The following CHCHD3 variants were observed in gnomAD, a reference collection of about 807,000 sequenced individuals.
CHCHD3 encodes coiled-coil-helix-coiled-coil-helix domain containing 3.
CHCHD3 carries 20 observed loss-of-function variants against 38.2 expected under a neutral mutation model. The observed-to-expected ratio is 0.52, with a 90% CI of 0.37 to 0.76. The LOEUF (loss-of-function observed/expected upper bound fraction) is 0.76. CHCHD3 is among the 30% of genes least tolerant of loss of function. The pLI is 0.00. For missense variants in CHCHD3, 245 were observed against 279.2 expected (o/e 0.88, Z 0.87); for synonymous variants, 82 against 100.0 (o/e 0.82, Z 1.07).
chr7:133,034,106 C>T (rs890275112), intron 2 of CHCHD3, among the ~76,000 whole-genome samples: 24 of 152,088 alleles, frequency 1.6e-4, no homozygotes, highest in African/African-American at 5.5e-4. Flanking sequence ...CAAGCTGACA[C>T]ATTTCCCATC....
At position 132,984,850 on chromosome 7, in the gene CHCHD3, G is replaced by A. The variant is rs1289979663; in HGVS notation, c.252-9564C>T. Among the ~76,000 whole-genome samples the A allele has an allele frequency of 2.6e-5, 3 of 117,572 alleles. 1 individual carries two copies. Among genetic ancestry groups the A allele is most frequent in the Non-Finnish European group, 5.6e-5 (3 of 53,832 alleles). 77.1% of individuals were successfully genotyped at this position (117,572 alleles called of 152,430 possible). A position where few individuals can be genotyped will look rare whatever the true frequency, so the allele number is the denominator to read the frequency against. On this transcript the variant is annotated intron_variant, in intron 3 of 7. Transcript: ENST00000262570. The stretch of plus-strand genomic sequence containing the variant: ...GGCAGCCACCCGGTCTGGGAGGGAG[G>A]TGGGGGTCAGCCCCCCACCCGGCCA...
intron 6 of CHCHD3, among the ~76,000 whole-genome samples, chr7:132,814,661 C>T (rs1807153349): frequency 6.6e-6 from 1 of 152,206 alleles, no homozygotes; most frequent in Admixed American, 6.5e-5. Flanking sequence ...AAGCCTTACA[C>T]ATCATAAAAT....
chr7:132,885,962 T>C (rs1374358422), intron 4 of CHCHD3, among the ~76,000 whole-genome samples: 2 of 152,164 alleles, frequency 1.3e-5, no homozygotes, highest in African/African-American at 4.8e-5. Context: ...AACAGCTGTG[T>C]CCTATTTTGT....
chr7:132,884,281 C>T (rs536199186), intron 5 of CHCHD3, among the ~76,000 whole-genome samples: 1 of 152,276 alleles, frequency 6.6e-6, no homozygotes, highest in South Asian at 2.1e-4. Context: ...GTTCTTCCCT[C>T]TGTACCCAAC....
At chr7:133,043,316 A>G (rs577589440) in intron 2 of CHCHD3, among the ~76,000 whole-genome samples, 170 of 152,296 alleles carry the variant, frequency 1.1e-3, no homozygotes, top group African/African-American at 3.9e-3. Context: ...TTTAATGTGG[A>G]CAAAACTGAC....
chr7:132,982,858 TATATTG>T (rs1468326876), intron 3 of CHCHD3, among the ~76,000 whole-genome samples: 1 of 152,064 alleles, frequency 6.6e-6, no homozygotes, highest in African/African-American at 2.4e-5. Context: ...TTTCAATAAA[TATATTG>T]AACATTTTTT....
At chr7:132,914,206 T>A (rs373134072) in intron 4 of CHCHD3, among the ~76,000 whole-genome samples, 2 of 151,378 alleles carry the variant, frequency 1.3e-5, no homozygotes, top group African/African-American at 4.9e-5. Flanking sequence ...GCCAGGATGA[T>A]CTTAAACTCC....
intron 4 of CHCHD3, among the ~76,000 whole-genome samples, chr7:132,963,510 T>G (rs1811378459): frequency 6.6e-6 from 1 of 151,446 alleles, no homozygotes; most frequent in Non-Finnish European, 1.5e-5. Context: ...TGGGCGCCTG[T>G]AGTCCCAGCT....
chr7:132,975,455 T>C (rs1451020137), intron 3 of CHCHD3, among the ~76,000 whole-genome samples, 169 bp from the exon 4 acceptor site: 4 of 152,208 alleles, frequency 2.6e-5, no homozygotes, highest in African/African-American at 7.2e-5. Context: ...TAAATCCCCA[T>C]GCAGCCTCCA....
At chr7:132,977,237 G>A (rs901536825) in intron 3 of CHCHD3, among the ~76,000 whole-genome samples, 5 of 152,224 alleles carry the variant, frequency 3.3e-5, no homozygotes, top group African/African-American at 9.6e-5. Context: ...TCAGCTGGGA[G>A]TCTGTTAGAA....
chr7:132,799,592 G>T (rs556921083), intron 6 of CHCHD3, among the ~76,000 whole-genome samples: 1 of 152,272 alleles, frequency 6.6e-6, no homozygotes, highest in South Asian at 2.1e-4. Context: ...AATGACAATG[G>T]TAAGAGAAGG....
chr7:132,960,310 C>T (rs1562921880), intron 4 of CHCHD3, among the ~76,000 whole-genome samples: 1 of 151,874 alleles, frequency 6.6e-6, no homozygotes, highest in African/African-American at 2.4e-5. Flanking sequence ...TTATCATACA[C>T]ACAGAGAGCA....
At chr7:132,927,612 G>A (rs990165177) in intron 4 of CHCHD3, among the ~76,000 whole-genome samples, 5 of 152,154 alleles carry the variant, frequency 3.3e-5, no homozygotes, top group Admixed American at 6.5e-5. Flanking sequence ...AATGAAAGAC[G>A]CTGTTAAAAT....
chr7:132,812,867 G>C (rs769098038), intron 6 of CHCHD3, among the ~76,000 whole-genome samples: 1 of 152,124 alleles, frequency 6.6e-6, no homozygotes, highest in Non-Finnish European at 1.5e-5. Context: ...AACCCCAAAG[G>C]AGCTCAGCTC....
At chr7:133,081,742 C>T (rs762200258) in intron 1 of CHCHD3, 115 bp downstream of exon 1, 21 of 1,003,020 alleles carry the variant, frequency 2.1e-5, no homozygotes, top group Non-Finnish European at 2.1e-5. Context: ...GGGCTTCTGG[C>T]CTTAATACGC....
At chr7:132,850,737 T>C (rs1381733679) in intron 5 of CHCHD3, among the ~76,000 whole-genome samples, 1 of 152,204 alleles carries the variant, frequency 6.6e-6, no homozygotes, top group Non-Finnish European at 1.5e-5. Context: ...CCTGCTTTTA[T>C]GAAACTTAAC....
At chr7:132,854,386 AT>A (rs1350323218) in intron 5 of CHCHD3, among the ~76,000 whole-genome samples, 1 of 152,192 alleles carries the variant, frequency 6.6e-6, no homozygotes, top group East Asian at 1.9e-4. Flanking sequence ...AAATGTTTAA[AT>A]TCCTTTAAGT....
At chr7:133,018,138 A>C (rs1813079253) in intron 3 of CHCHD3, among the ~76,000 whole-genome samples, 1 of 152,228 alleles carries the variant, frequency 6.6e-6, no homozygotes, top group African/African-American at 2.4e-5. Context: ...AAATAATCTA[A>C]AATAGTGGGA....
chr7:132,941,988 AACTGAGATACAAAG>A lies in CHCHD3; in HGVS notation c.369+33167_369+33180del, dbSNP rs553350066. 2.6e-3 allele frequency among the ~76,000 whole-genome samples: 396 copies of A among 152,356 alleles called. 5 individuals are homozygous for A. The highest frequency in any genetic ancestry group is 9.3e-3 in the African/African-American group (385 of 41,588). ...CCTATGCTCATTTGAAAGATGAGAA[AACTGAGATACAAAG>A]ACTGGACTGTGCCCAAAGGAATATA... is the stretch of plus-strand genomic sequence containing the variant. On this transcript the variant is annotated intron_variant, in intron 4 of 7. Coordinates refer to ENST00000262570, the MANE Select transcript of CHCHD3 (RefSeq NM_017812.4).
Sources: gnomAD v4.1 joint callset for allele counts (sites outside exome capture counted in the v4.1 genomes callset) on GRCh38, gnomAD v4.1.1 for gene constraint, MANE v1.5 for transcripts, NCBI Gene and HGNC (gene_info 2026-07-23, HGNC 2026-07-21) for gene names.